CUX1: variants seen among roughly 807,000 people sequenced by gnomAD.
The protein encoded by CUX1 is cut like homeobox 1.
In CUX1, 31 loss-of-function variants were observed where a neutral mutation model predicts 158.8. That is an observed-to-expected ratio of 0.20 (90% CI 0.15 to 0.26). The LOEUF (loss-of-function observed/expected upper bound fraction) is 0.26, where lower values mean the gene tolerates loss of function less well. Ranked by LOEUF, CUX1 falls within the 10% of genes least tolerant of loss-of-function variation. The probability of loss-of-function intolerance (pLI) is 1.00; values close to 1 mark genes in which losing one functional copy is unlikely to be tolerated. For missense variants in CUX1, 1,589 were observed against 2,014.6 expected, an observed-to-expected ratio of 0.79 and a Z score of 4.04; for synonymous variants, 879 against 862.1, an observed-to-expected ratio of 1.02 and a Z score of -0.34.
At chr7:101,867,465 G>A (rs1482335932) in intron 1 of CUX1, among the ~76,000 whole-genome samples, 2 of 152,190 alleles carry the variant, frequency 1.3e-5, no homozygotes, top group Non-Finnish European at 2.9e-5. Flanking sequence ...AGGCACAGGT[G>A]TTAGGTCTGC....
At chr7:101,983,582 G>C (rs943890425) in intron 2 of CUX1, among the ~76,000 whole-genome samples, 1 of 152,208 alleles carries the variant, frequency 6.6e-6, no homozygotes, top group Non-Finnish European at 1.5e-5. Context: ...TGGTTCTGCA[G>C]GTTGTACAAG....
chr7:101,984,100 A>G (rs1159794507), intron 2 of CUX1, among the ~76,000 whole-genome samples: 1 of 20,962 alleles, frequency 4.8e-5, no homozygotes, highest in Non-Finnish European at 1.2e-4. Flanking sequence ...ATATATATAT[A>G]TATATATATA....
chr7:102,195,060 C>T (rs1471712452), intron 13 of CUX1, among the ~76,000 whole-genome samples: 1 of 151,212 alleles, frequency 6.6e-6, no homozygotes, highest in African/African-American at 2.4e-5. Flanking sequence ...AAATTGACAT[C>T]CTAAGTGGAA....
chr7:102,117,548 G>C (rs1422917644), intron 8 of CUX1, among the ~76,000 whole-genome samples: 1 of 152,134 alleles, frequency 6.6e-6, no homozygotes, highest in Non-Finnish European at 1.5e-5. Flanking sequence ...GGGCCCCCTC[G>C]AGGGGAGCCG....
chr7:102,262,464 G>A (rs149023773), downstream of CUX1, among the ~76,000 whole-genome samples: 610 of 142,548 alleles, frequency 4.3e-3, 5 homozygotes, highest in South Asian at 0.014. Flanking sequence ...CCAGTGAGAA[G>A]ACCTGGAAAC....
intron 22 of CUX1, among the ~76,000 whole-genome samples, chr7:102,236,683 GC>G (rs2132463021): frequency 6.6e-6 from 1 of 152,308 alleles, no homozygotes; most frequent in South Asian, 2.1e-4. Flanking sequence ...CCTCACCCGA[GC>G]AGCGTGAAGC....
At chr7:101,848,051 C>CAAAAAAAAAAAAAAAAAAAAA (rs57428019) in intron 1 of CUX1, among the ~76,000 whole-genome samples, 7 of 65,370 alleles carry the variant, frequency 1.1e-4, no homozygotes, top group African/African-American at 4.6e-4. Flanking sequence ...GAGCAAGACT[C>CAAAAAAAAAAAAAAAAAAAAA]AAAAAAAAAA....
At position 102,223,415 on chromosome 7, in the gene CUX1, T is replaced by C. The variant is rs143751339; in HGVS notation, c.3131-3952T>C. Among the ~76,000 whole-genome samples, 1,196 of 152,176 alleles carry C rather than the reference T, an allele frequency of 7.9e-3. 4 individuals are homozygous for C. Among genetic ancestry groups the C allele is most frequent in the Admixed American group, 0.016 (247 of 15,284 alleles). ...AAGATTTATGTTGACTGTAGGTCTT[T>C]ATAGAAACAAATACATTTGACCAGG... On this transcript the variant is annotated intron_variant, in intron 20 of 23. Transcript: ENST00000292535.
Position 102,201,824 on chromosome 7 carries a change from G to A in CUX1, c.2527G>A (p.Ala843Thr). 3 of 1,613,162 alleles carry A rather than the reference G, an allele frequency of 1.9e-6. No homozygotes were observed. The highest frequency in any genetic ancestry group is 2.2e-5 in the South Asian group (2 of 91,076). ...RNAASSEEAK[A>T]EETGGGKEKG... is the part of the protein sequence containing the mutation. The stretch of plus-strand genomic sequence containing the variant: ...TGCCGCCTCCTCCGAGGAGGCCAAG[G>A]CCGAAGAAACGGGCGGCGGGAAAGA... The change falls in exon 18 of 24, where the codon GCC becomes ACC. Residue 843 changes from alanine (A) to threonine (T), a missense_variant. Around this residue, in one of 8 missense-constraint regions of CUX1, gnomAD observed 337 missense variants for 409.3 expected, o/e 0.82. Transcript: ENST00000292535. This position sits in a 1 kb window ranked among gnomAD's most constrained non-coding sequence, Gnocchi z 5.0.
intron 23 of CUX1, among the ~76,000 whole-genome samples, chr7:102,245,315 AT>A (rs1175627874): frequency 4.6e-5 from 7 of 152,156 alleles, no homozygotes; most frequent in Non-Finnish European, 7.3e-5. Flanking sequence ...AAGCCCTGGG[AT>A]TATAGGCATG....
At chr7:101,996,087 G>A (rs747166584) in intron 2 of CUX1, among the ~76,000 whole-genome samples, 2 of 151,628 alleles carry the variant, frequency 1.3e-5, no homozygotes, top group Non-Finnish European at 2.9e-5. Context: ...CTCCAGCCTG[G>A]GCAACAAAGA....
chr7:101,879,319 T>A (rs1002029263), intron 1 of CUX1, among the ~76,000 whole-genome samples: 1 of 151,538 alleles, frequency 6.6e-6, no homozygotes, highest in South Asian at 2.1e-4. Context: ...AACATGAAAG[T>A]CTTTCTGTCT....
intron 1 of CUX1, among the ~76,000 whole-genome samples, chr7:101,845,249 A>G (rs745909273): frequency 2.0e-5 from 3 of 151,572 alleles, no homozygotes. Context: ...GCCTTCCATA[A>G]TGCTGGAATT....
chr7:102,069,499 C>T (rs993950477), intron 3 of CUX1, among the ~76,000 whole-genome samples: 3 of 152,102 alleles, frequency 2.0e-5, no homozygotes, highest in African/African-American at 7.2e-5. Context: ...CTGTAATCCC[C>T]GCACTTTGGG....
intron 20 of CUX1, among the ~76,000 whole-genome samples, chr7:102,221,980 T>C (rs1797851725): frequency 6.6e-6 from 1 of 152,060 alleles, no homozygotes; most frequent in Non-Finnish European, 1.5e-5. Flanking sequence ...GTGAGTAGGC[T>C]GGATGCGGTG....
At chr7:101,991,263 C>T (rs1049383271) in intron 2 of CUX1, among the ~76,000 whole-genome samples, 3 of 152,166 alleles carry the variant, frequency 2.0e-5, no homozygotes, top group East Asian at 1.9e-4. Context: ...ACACCACCAC[C>T]GTCGTGGGCA....
chr7:102,125,650 G>A (rs969894501), intron 8 of CUX1: 1 of 142,274 alleles, frequency 7.0e-6, no homozygotes, highest in Non-Finnish European at 1.5e-5. Context: ...TCCCGAGATC[G>A]CACCACTCCA....
chr7:102,265,556 G>A (rs1374731781), intron 14 of CUX1, among the ~76,000 whole-genome samples: 1 of 151,334 alleles, frequency 6.6e-6, no homozygotes, highest in East Asian at 2.0e-4. Flanking sequence ...TCCTGCCTCA[G>A]CCTCCCAAGT....
chr7:101,946,016 G>C (rs1419733153), intron 2 of CUX1, among the ~76,000 whole-genome samples: 1 of 152,196 alleles, frequency 6.6e-6, no homozygotes, highest in African/African-American at 2.4e-5. Context: ...CACCTGGAGA[G>C]AGGTCAAGGT....
Sources: gnomAD v4.1 joint callset for allele counts (sites outside exome capture counted in the v4.1 genomes callset) on GRCh38, gnomAD v4.1.1 for gene constraint, gnomAD v4.1.1 regional missense constraint, Gnocchi (gnomAD v3.1) non-coding constraint, MANE v1.5 for transcripts, NCBI Gene and HGNC (gene_info 2026-07-23, HGNC 2026-07-21) for gene names.